Variants in B4GALT5 observed in about 807,000 individuals in gnomAD.
B4GALT5 encodes beta-1,4-galactosyltransferase 5.
Under a neutral mutation model 45.0 loss-of-function variants are expected in B4GALT5, and 11 were observed. The ratio of observed to expected loss-of-function variants is 0.24; its 90% CI spans 0.15 to 0.40. B4GALT5 has a LOEUF of 0.40. Among genes scored for constraint, B4GALT5 ranks in the 10% least tolerant of loss-of-function variants. The probability of loss-of-function intolerance (pLI) is 1.00; values close to 1 mark genes in which losing one functional copy is unlikely to be tolerated. For missense variants in B4GALT5, 337 were observed against 500.2 expected (o/e 0.67, Z 3.11); for synonymous variants, 185 against 182.9 (o/e 1.01, Z -0.09).
intron 7 of B4GALT5, among the ~76,000 whole-genome samples, chr20:49,638,230 C>G (rs745819063): frequency 1.4e-4 from 21 of 152,080 alleles, no homozygotes; most frequent in Non-Finnish European, 2.6e-4. Flanking sequence ...GTTGCCCAGA[C>G]TGGTCTTGAA....
At chr20:49,691,782 T>C (rs2085813517) in intron 1 of B4GALT5, among the ~76,000 whole-genome samples, 1 of 152,188 alleles carries the variant, frequency 6.6e-6, no homozygotes, top group African/African-American at 2.4e-5. Context: ...AGGTTTTAGA[T>C]TGTCTTTATT....
chr20:49,712,206 T>C (rs2085915812), intron 1 of B4GALT5, among the ~76,000 whole-genome samples: 1 of 152,232 alleles, frequency 6.6e-6, no homozygotes, highest in South Asian at 2.1e-4. Flanking sequence ...AAGCACCAGG[T>C]ACAGTGGTAA....
intron 2 of B4GALT5, among the ~76,000 whole-genome samples, chr20:49,649,331 C>T (rs148909630): frequency 0.012 from 1,847 of 152,234 alleles, 31 homozygotes; most frequent in African/African-American, 0.042. Flanking sequence ...ATAATCCCAG[C>T]ACTTTGGGAG....
chr20:49,681,972 T>C (rs1385709408), intron 1 of B4GALT5, among the ~76,000 whole-genome samples: 2 of 152,216 alleles, frequency 1.3e-5, no homozygotes, highest in Non-Finnish European at 2.9e-5. Flanking sequence ...GGCTTGCGCC[T>C]GTAGTCCCAG....
chr20:49,693,316 T>C (rs2085824346), intron 1 of B4GALT5, among the ~76,000 whole-genome samples: 2 of 152,218 alleles, frequency 1.3e-5, no homozygotes, highest in South Asian at 4.1e-4. Context: ...ACAGGGACTT[T>C]GCTAAGTTCT....
At chr20:49,654,548 G>A (rs2085634260) in intron 2 of B4GALT5, among the ~76,000 whole-genome samples, 1 of 152,194 alleles carries the variant, frequency 6.6e-6, no homozygotes, top group Non-Finnish European at 1.5e-5. Context: ...TGCTAAAGTG[G>A]ACGGCAAAGG....
At chr20:49,708,909 G>T (rs563372187) in intron 1 of B4GALT5, among the ~76,000 whole-genome samples, 1 of 147,274 alleles carries the variant, frequency 6.8e-6, no homozygotes, top group Non-Finnish European at 1.5e-5. Context: ...TCTAGCCTGG[G>T]CAACAGAGCG....
At chr20:49,676,046 C>T (rs1257346112) in intron 1 of B4GALT5, among the ~76,000 whole-genome samples, 1 of 151,658 alleles carries the variant, frequency 6.6e-6, no homozygotes, top group Non-Finnish European at 1.5e-5. Flanking sequence ...AACCCAACCC[C>T]CCCAGACAAA....
intron 1 of B4GALT5, 67 bp downstream of exon 1, chr20:49,713,509 G>C: frequency 2.0e-6 from 3 of 1,492,998 alleles, no homozygotes; most frequent in Non-Finnish European, 2.7e-6. Context: ...CTTAGGGAGG[G>C]GCGGGGATTC....
At chr20:49,654,220 G>A (rs893977199) in intron 2 of B4GALT5, among the ~76,000 whole-genome samples, 5 of 152,202 alleles carry the variant, frequency 3.3e-5, no homozygotes, top group African/African-American at 4.8e-5. Flanking sequence ...TTTAGGGAAA[G>A]AGTCACATGA....
intron 1 of B4GALT5, among the ~76,000 whole-genome samples, chr20:49,695,891 C>T (rs2085837751): frequency 6.6e-6 from 1 of 152,170 alleles, no homozygotes; most frequent in African/African-American, 2.4e-5. Context: ...TTTCCAACAA[C>T]TCAGAAGCAA....
rs71339446 is a variant in B4GALT5, at chr20:49,665,440, G to GTAA, written c.116-8741_116-8739dup. Among the ~76,000 whole-genome samples, 747 of 95,002 alleles carry GTAA rather than the reference G, an allele frequency of 7.9e-3. 3 individuals are homozygous for GTAA. Among genetic ancestry groups the GTAA allele is most frequent in the East Asian group, 0.011 (38 of 3,366 alleles). The allele number at this position is 95,002 out of a possible 152,430, so 62.3% of individuals were successfully genotyped here. On this transcript the variant is annotated intron_variant, in intron 1 of 8. Coordinates refer to ENST00000371711, the MANE Select transcript of B4GALT5 (RefSeq NM_004776.4). ...AAAAAGGGGGGGTGGGGGGGTAGTA[G>GTAA]TAATAATAATAATAATAATAATAAT...
chr20:49,692,506 G>A (rs992899879), intron 1 of B4GALT5, among the ~76,000 whole-genome samples: 9 of 152,024 alleles, frequency 5.9e-5, no homozygotes, highest in African/African-American at 1.9e-4. Context: ...AAATATCTTG[G>A]TATCACCATA....
At chr20:49,643,794 A>G in intron 3 of B4GALT5, 144 bp from the exon 4 acceptor site, 1 of 796,144 alleles carries the variant, frequency 1.3e-6, no homozygotes, top group Non-Finnish European at 1.9e-6. Flanking sequence ...TCTGCTTTCC[A>G]TCTCACCGTA....
chr20:49,707,325 C>T (rs2085888435), intron 1 of B4GALT5, among the ~76,000 whole-genome samples: 1 of 151,902 alleles, frequency 6.6e-6, no homozygotes, highest in South Asian at 2.1e-4. Context: ...GAAGGGACAA[C>T]ACTATACTCA....
chr20:49,696,160 CAG>C (rs921310309), intron 1 of B4GALT5, among the ~76,000 whole-genome samples: 5 of 152,218 alleles, frequency 3.3e-5, no homozygotes, highest in African/African-American at 1.2e-4. Flanking sequence ...TATGTCATAA[CAG>C]ACTCTCAATC....
intron 2 of B4GALT5, among the ~76,000 whole-genome samples, chr20:49,653,052 A>G (rs1732883384): frequency 6.6e-6 from 1 of 152,240 alleles, no homozygotes; most frequent in Admixed American, 6.5e-5. Context: ...TTTCAGTGAA[A>G]TGCTATTTTC....
chr20:49,704,295 C>A (rs560033951), intron 1 of B4GALT5, among the ~76,000 whole-genome samples: 10 of 152,300 alleles, frequency 6.6e-5, no homozygotes, highest in South Asian at 2.1e-4. Context: ...ATTATCCATA[C>A]TTTTAGGACT....
At chr20:49,675,607 G>C (rs572909781) in intron 1 of B4GALT5, among the ~76,000 whole-genome samples, 2 of 152,104 alleles carry the variant, frequency 1.3e-5, no homozygotes, top group African/African-American at 2.4e-5. Context: ...CTAGGGGCTC[G>C]GTGCACAAGG....
Sources: gnomAD v4.1 joint callset for allele counts (sites outside exome capture counted in the v4.1 genomes callset) on GRCh38, gnomAD v4.1.1 for gene constraint, MANE v1.5 for transcripts, NCBI Gene and HGNC (gene_info 2026-07-23, HGNC 2026-07-21) for gene names.